Variants in STAB2 observed in about 807,000 individuals in gnomAD.
STAB2 encodes stabilin-2.
In STAB2, 288 loss-of-function variants were observed where a neutral mutation model predicts 338.1. The observed-to-expected ratio is 0.85, with a 90% confidence interval of 0.77 to 0.94. The LOEUF is 0.94. Among genes scored for constraint, STAB2 ranks in the 40% least tolerant of loss-of-function variants. The pLI is 0.00. For synonymous variants in STAB2, 1,202 were observed against 1,193.3 expected (o/e 1.01, Z -0.15); for missense variants, 3,141 against 3,210.1 (o/e 0.98, Z 0.52).
At chr12:103,642,732 G>T (rs1873017196) in intron 9 of STAB2, among the ~76,000 whole-genome samples, 1 of 152,152 alleles carries the variant, frequency 6.6e-6, no homozygotes, top group Non-Finnish European at 1.5e-5. Flanking sequence ...GTCCAAAGGG[G>T]CATGCTCCCC....
chr12:103,638,156 A>G lies in STAB2; in HGVS notation c.850A>G (p.Asn284Asp), dbSNP rs559599348. Residue 284 changes from asparagine to aspartate, a missense_variant, in exon 8 of 69, where the codon AAC (asparagine) becomes GAC (aspartate). Coordinates refer to ENST00000388887, the MANE Select transcript of STAB2 (RefSeq NM_017564.10). The part of the protein sequence containing the change: ...VCLPVDPCQI[N>D]FGNCPTKSTV... ...CTTGCCTGTGGACCCCTGCCAAATT[A>G]ACTTTGGAAACTGCCCTACAAAGTC... The G allele has an allele frequency of 5.0e-6, 8 of 1,614,230 alleles. No individual in the cohort carries two copies. The South Asian group carries it at 7.7e-5, about 16-fold the overall frequency.
intron 5 of STAB2, among the ~76,000 whole-genome samples, chr12:103,628,108 G>A (rs941250802): frequency 6.6e-6 from 1 of 152,112 alleles, no homozygotes; most frequent in African/African-American, 2.4e-5. Context: ...AAAATCCACA[G>A]CCATAGGTAG....
rs1884012651 is a variant in STAB2, at chr12:103,755,296, C to T, written c.6715-6C>T. On this transcript the variant is annotated splice_polypyrimidine_tract_variant and splice_region_variant and intron_variant, in intron 61 of 68. Transcript: ENST00000388887. ...CTGACCCATGGCCCTGTCTGTATCC[C>T]TGCAGGCCAAGTACCACCTGTGCTC... The T allele has an allele frequency of 3.1e-6, 5 of 1,613,584 alleles. No individual in the cohort carries two copies. The South Asian group carries it at 3.3e-5, about 11-fold the overall frequency.
Position 103,735,876 on chromosome 12 carries a change from G to A in STAB2, c.5550+296G>A, listed in dbSNP as rs560089152. 2.6e-5 allele frequency among the ~76,000 whole-genome samples: 4 copies of A among 152,188 alleles called. No homozygotes were observed. The South Asian group carries it at 6.2e-4, about 24-fold the overall frequency. On this transcript the variant is annotated intron_variant, in intron 52 of 68. Transcript: ENST00000388887. ...TTGTGTAGAGCATTTTCCAATGTGA[G>A]ATACTTTCCTGAAACAGGAAAGTAT...
intron 43 of STAB2, 45 bp downstream of exon 43, chr12:103,715,933 C>T: frequency 1.2e-6 from 2 of 1,602,406 alleles, no homozygotes; most frequent in South Asian, 1.1e-5. Flanking sequence ...TAAAAGGGAA[C>T]TCCTAGGTCT....
chr12:103,644,665 C>G (rs1228576999), intron 9 of STAB2, among the ~76,000 whole-genome samples: 3 of 152,146 alleles, frequency 2.0e-5, no homozygotes, highest in African/African-American at 7.2e-5. Context: ...TGCAGCAATG[C>G]CTGTCACCAA....
intron 27 of STAB2, among the ~76,000 whole-genome samples, chr12:103,685,670 A>G (rs1179698140): frequency 6.6e-6 from 1 of 152,174 alleles, no homozygotes; most frequent in Non-Finnish European, 1.5e-5. Flanking sequence ...TCCAGCTGAT[A>G]GCTCTGATAG....
intron 31 of STAB2, among the ~76,000 whole-genome samples, chr12:103,693,804 G>A (rs1878163381): frequency 6.6e-6 from 1 of 152,080 alleles, no homozygotes; most frequent in Non-Finnish European, 1.5e-5. Context: ...GGTACATTGG[G>A]AACTTTTGTA....
chr12:103,675,837 G>C, intron 23 of STAB2, 91 bp from the exon 24 acceptor site: 1 of 965,242 alleles, frequency 1.0e-6, no homozygotes, highest in Non-Finnish European at 1.6e-6. Flanking sequence ...GGAGCCATTT[G>C]GCCAGGAACT....
In STAB2 at chr12:103,655,507, A is replaced by G; in HGVS notation, c.1660A>G (p.Thr554Ala). Residue 554 changes from threonine to alanine, a missense_variant, in exon 15 of 69, where the codon ACC (threonine) becomes GCC (alanine). By Grantham distance (58) the Thr-to-Ala change is moderately conservative. Transcript: ENST00000388887. Reference sequence around the variant, plus strand: ...TGAGGATGGAGTTGGTGGACCATACACCATTTTTGTTCCAAATAATGAAGC... The same window carrying G: ...TGAGGATGGAGTTGGTGGACCATACGCCATTTTTGTTCCAAATAATGAAGC... ...LDEDGVGGPY[T>A]IFVPNNEALN... is the part of the protein sequence containing the mutation. The G allele has an allele frequency of 1.2e-6, 2 of 1,613,942 alleles. No homozygotes were observed. The highest frequency in any genetic ancestry group is 1.7e-6 in the Non-Finnish European group (2 of 1,179,996).
chr12:103,616,856 C>G (rs1957218589), intron 3 of STAB2, among the ~76,000 whole-genome samples: 1 of 152,238 alleles, frequency 6.6e-6, no homozygotes, highest in African/African-American at 2.4e-5. Flanking sequence ...TGAAGATGCT[C>G]TCTTAGCACA....
chr12:103,669,427 C>T (rs896644366), intron 20 of STAB2, 114 bp from the exon 21 acceptor site: 6 of 909,036 alleles, frequency 6.6e-6, no homozygotes, highest in Non-Finnish European at 1.1e-5. Flanking sequence ...AGGGCAACCT[C>T]ATAAGGAGAG....
In STAB2 at chr12:103,631,731, A is replaced by G. The variant is rs753042005; in HGVS notation, c.583+38A>G. The G allele has an allele frequency of 1.9e-6, 3 of 1,589,602 alleles. No individual in the cohort carries two copies. The South Asian group carries it at 3.3e-5, about 18-fold the overall frequency. On this transcript the variant is annotated intron_variant, in intron 6 of 68. Coordinates refer to ENST00000388887, the MANE Select transcript of STAB2 (RefSeq NM_017564.10). ...AGTTCCCTTAATGCCACACCAGATC[A>G]AACAGGCACAAATGTATGCATTTCA...
At chr12:103,610,519 G>A (rs1219031860) in intron 3 of STAB2, among the ~76,000 whole-genome samples, 2 of 152,076 alleles carry the variant, frequency 1.3e-5, no homozygotes, top group Non-Finnish European at 2.9e-5. Context: ...TATTTCTGTG[G>A]GATCGGTGGT....
Position 103,742,478 on chromosome 12 carries a change from G to A in STAB2, c.5955G>A (p.Glu1985=), listed in dbSNP as rs1432026813. 3.1e-6 allele frequency: 5 copies of A among 1,614,040 alleles called. No homozygotes were observed. The highest frequency in any genetic ancestry group is 3.4e-6 in the Non-Finnish European group (4 of 1,180,046). Residue 1985 remains glutamate (E), a synonymous_variant, in exon 56 of 69, where the codon GAG becomes GAA. Transcript: ENST00000388887. ...TTGATCAGTACTCGGCCACCGGAGAGTGTAAATGCAACACCGGCTTCAATG... is the reference window on the plus strand; with the variant it reads ...TTGATCAGTACTCGGCCACCGGAGAATGTAAATGCAACACCGGCTTCAATG... ...VCLDQYSATG[E]CKCNTGFNGT... is the part of the protein sequence containing the mutation.
intron 27 of STAB2, 89 bp from the exon 28 acceptor site, chr12:103,688,079 C>A (rs1236779428): frequency 2.3e-6 from 3 of 1,320,684 alleles, no homozygotes; most frequent in Non-Finnish European, 3.3e-6. Flanking sequence ...TGCAGGTGAC[C>A]CAGAGATGCA....
At chr12:103,749,270 C>G in intron 59 of STAB2, 114 bp downstream of exon 59, 4 of 1,170,668 alleles carry the variant, frequency 3.4e-6, no homozygotes, top group South Asian at 4.0e-5. Flanking sequence ...AACATTTTTT[C>G]TAGCACAGTC....
chr12:103,615,612 A>C (rs1032732230), intron 3 of STAB2, among the ~76,000 whole-genome samples: 1 of 152,312 alleles, frequency 6.6e-6, no homozygotes, highest in Non-Finnish European at 1.5e-5. Context: ...AATGGCTCGC[A>C]TACTGTATTA....
At chr12:103,601,275 A>G (rs573391350) in intron 3 of STAB2, among the ~76,000 whole-genome samples, 15 of 149,610 alleles carry the variant, frequency 1.0e-4, no homozygotes, top group African/African-American at 3.4e-4. Flanking sequence ...ACAAAAGAGG[A>G]AAAAAAAAAG....
Sources: gnomAD v4.1 joint callset for allele counts (sites outside exome capture counted in the v4.1 genomes callset) on GRCh38, gnomAD v4.1.1 for gene constraint, MANE v1.5 for transcripts, NCBI Gene and HGNC (gene_info 2026-07-23, HGNC 2026-07-21) for gene names.